Variants in GASK1A observed in about 807,000 individuals in gnomAD.
The protein encoded by GASK1A is golgi associated kinase 1A, also known as Golgi-associated kinase 1A.
A neutral mutation model predicts 41.2 loss-of-function variants in GASK1A; 40 were observed. The observed-to-expected ratio is 0.97, with a 90% CI of 0.75 to 1.27. GASK1A has a LOEUF of 1.27. Ranked by LOEUF, GASK1A falls within the 50% of genes most tolerant of loss-of-function variation. The pLI is 0.00. For missense variants in GASK1A, 678 were observed against 745.1 expected (o/e 0.91, Z 1.05); for synonymous variants, 316 against 307.1 (o/e 1.03, Z -0.30).
Position 43,032,344 on chromosome 3 carries a change from G to A in GASK1A, c.81G>A (p.Ala27=), listed in dbSNP as rs781142500. The change falls in exon 2 of 5, where the codon GCG becomes GCA. Residue 27 remains alanine (A), a synonymous_variant. Transcript: ENST00000430121. Reference sequence around the variant, plus strand: ...TCTGCCTCTTGATGATCCTATCTGCGATGGCTGTCACCCGCTTTCCCCCAC... The same window carrying A: ...TCTGCCTCTTGATGATCCTATCTGCAATGGCTGTCACCCGCTTTCCCCCAC... ...IAFCLLMILS[A]MAVTRFPPQR... is the part of the protein sequence containing the mutation. 21 of 1,551,272 alleles carry A rather than the reference G, an allele frequency of 1.4e-5. No homozygotes were observed. The highest frequency in any genetic ancestry group is 2.7e-5 in the African/African-American group (2 of 73,050).
chr3:42,986,350 A>C (rs951685005), intron 1 of GASK1A, among the ~76,000 whole-genome samples: 1 of 152,214 alleles, frequency 6.6e-6, no homozygotes, highest in Admixed American at 6.5e-5. Context: ...GGGGCAGCAC[A>C]AAGGAGAATT....
At chr3:43,041,628 C>CAT (rs1465390972) in intron 2 of GASK1A, among the ~76,000 whole-genome samples, 1 of 152,206 alleles carries the variant, frequency 6.6e-6, no homozygotes. Flanking sequence ...TGCCACCATC[C>CAT]ACCTTCTGAC....
chr3:43,045,725 G>A (rs377014157), intron 2 of GASK1A, among the ~76,000 whole-genome samples: 3 of 152,156 alleles, frequency 2.0e-5, no homozygotes. Flanking sequence ...ATCTTGAATT[G>A]TAATCCCCAT....
chr3:43,024,554 C>T (rs535774596), intron 1 of GASK1A, among the ~76,000 whole-genome samples: 7 of 152,210 alleles, frequency 4.6e-5, no homozygotes, highest in African/African-American at 1.7e-4. Context: ...TAATGGGGCA[C>T]AAAAAGCATC....
intron 1 of GASK1A, among the ~76,000 whole-genome samples, chr3:43,014,832 A>T (rs1018175129): frequency 3.3e-5 from 5 of 150,844 alleles, no homozygotes; most frequent in Non-Finnish European, 5.9e-5. Context: ...GGAAAGGCCA[A>T]TGGGAAGTCA....
chr3:42,980,427 C>G (rs891738776), intron 1 of GASK1A, among the ~76,000 whole-genome samples: 2 of 152,216 alleles, frequency 1.3e-5, no homozygotes, highest in African/African-American at 2.4e-5. Context: ...GCAGAAAACC[C>G]CTGCAACCCC....
In GASK1A at chr3:42,993,623, C is replaced by T. The variant is rs142887924; in HGVS notation, c.3+13978C>T. Among the ~76,000 whole-genome samples the T allele has an allele frequency of 2.3e-3, 349 of 152,276 alleles. 4 individuals carry two copies. The East Asian group carries it at 0.027, about 12-fold the overall frequency. The stretch of plus-strand genomic sequence containing the variant: ...TCTTTGGTGTTAAAAAGATTCAGAA[C>T]CCCTGCTTCTGTGTAGATATTCATC... On this transcript the variant is annotated intron_variant, in intron 1 of 4. Coordinates refer to ENST00000430121, the MANE Select transcript of GASK1A (RefSeq NM_001129908.3).
chr3:42,980,598 C>T (rs1200917735), intron 1 of GASK1A, among the ~76,000 whole-genome samples: 1 of 151,966 alleles, frequency 6.6e-6, no homozygotes, highest in African/African-American at 2.4e-5. Context: ...CTAGAGACTG[C>T]GCTGTAGGAT....
At chr3:43,008,262 AG>A (rs1012061841) in intron 1 of GASK1A, among the ~76,000 whole-genome samples, 13 of 152,222 alleles carry the variant, frequency 8.5e-5, no homozygotes, top group African/African-American at 3.1e-4. Flanking sequence ...TACCTGGCAC[AG>A]GGTCTGGCAT....
chr3:43,053,823 C>CA, intron 3 of GASK1A, 180 bp downstream of exon 3: 2 of 785,886 alleles, frequency 2.5e-6, no homozygotes. Context: ...ATAAAGCTGA[C>CA]AAAATGGAGC....
intron 1 of GASK1A, among the ~76,000 whole-genome samples, chr3:43,028,447 T>A (rs1291456154): frequency 6.6e-6 from 1 of 152,158 alleles, no homozygotes; most frequent in African/African-American, 2.4e-5. Context: ...AAATATACCA[T>A]AAAATATTAC....
At chr3:42,997,652 T>G (rs1178743452) in intron 1 of GASK1A, among the ~76,000 whole-genome samples, 2 of 152,144 alleles carry the variant, frequency 1.3e-5, no homozygotes, top group Non-Finnish European at 2.9e-5. Context: ...CCTCATAGCT[T>G]ATGTTTATTG....
chr3:43,044,596 G>A (rs1212484532), intron 2 of GASK1A, among the ~76,000 whole-genome samples: 3 of 152,176 alleles, frequency 2.0e-5, no homozygotes, highest in African/African-American at 4.8e-5. Flanking sequence ...CGCATAGCCA[G>A]GACATAGTGG....
rs186332890 is a variant in GASK1A at position 43,004,542 on chromosome 3, C to T, written c.3+24897C>T. On this transcript the variant is annotated intron_variant, in intron 1 of 4. Transcript: ENST00000430121. ...CTCAACCACAGCTTCTTTGGAGTTC[C>T]TTTTCATCATTTATCAAAAATGAGG... Among the ~76,000 whole-genome samples, 4 of 152,280 alleles carry T rather than the reference C, an allele frequency of 2.6e-5. No homozygotes were observed. In the East Asian group the frequency reaches 7.7e-4, roughly 29 times the overall value.
In GASK1A at chr3:43,033,531, C is replaced by A; in HGVS notation, c.1268C>A (p.Ala423Glu). 1 of 1,535,354 alleles carries A rather than the reference C, an allele frequency of 6.5e-7. No individual in the cohort carries two copies. The highest frequency in any genetic ancestry group is 8.8e-7 in the Non-Finnish European group (1 of 1,136,430). The stretch of plus-strand genomic sequence containing the variant: ...CACCATACCGAGTGGGCACGCCTGG[C>A]GCTCTTCGACTTCCTGTTGCAGGTA... ...GIHHTEWARL[A>E]LFDFLLQVHD... Residue 423 changes from alanine (A) to glutamate (E), a missense_variant, in exon 2 of 5, where the codon GCG (alanine) becomes GAG (glutamate). Transcript: ENST00000430121.
intron 3 of GASK1A, 38 bp from the exon 4 acceptor site, chr3:43,055,394 C>G (rs1033467117): frequency 1.0e-5 from 15 of 1,476,680 alleles, no homozygotes; most frequent in African/African-American, 1.4e-5. Context: ...TAGCTGCACC[C>G]TTACCCACCT....
intron 1 of GASK1A, among the ~76,000 whole-genome samples, chr3:43,013,358 G>A (rs1450673050): frequency 6.6e-6 from 1 of 152,038 alleles, no homozygotes; most frequent in Non-Finnish European, 1.5e-5. Context: ...TCAAAGGAAG[G>A]GGCCGTGTGA....
intron 1 of GASK1A, among the ~76,000 whole-genome samples, chr3:42,995,224 A>G (rs2089363212): frequency 6.6e-6 from 1 of 152,204 alleles, no homozygotes; most frequent in African/African-American, 2.4e-5. Flanking sequence ...AGAAGTGTTC[A>G]TCTTCTATAA....
chr3:43,016,586 G>A (rs566604827), intron 1 of GASK1A, among the ~76,000 whole-genome samples: 1 of 152,032 alleles, frequency 6.6e-6, no homozygotes, highest in African/African-American at 2.4e-5. Flanking sequence ...ACAGGAAGGG[G>A]CTGTGTGAGG....
Sources: allele counts gnomAD v4.1 joint callset (sites outside exome capture counted in the v4.1 genomes callset), GRCh38; gene constraint gnomAD v4.1.1; transcripts MANE v1.5; gene names NCBI Gene and HGNC (gene_info 2026-07-23, HGNC 2026-07-21).